ACAD10: variants seen among roughly 807,000 people sequenced by gnomAD.
ACAD10 encodes acyl-CoA dehydrogenase family member 10.
A neutral mutation model predicts 116.8 loss-of-function variants in ACAD10; 112 were observed. The ratio of observed to expected loss-of-function variants is 0.96; its 90% CI spans 0.82 to 1.12. ACAD10 has a LOEUF of 1.12. Ranked by LOEUF, ACAD10 falls within the 50% of genes most tolerant of loss-of-function variation. ACAD10 has a pLI of 0.00. For synonymous variants in ACAD10, 486 were observed against 510.6 expected (o/e 0.95, Z 0.65); for missense variants, 1,259 against 1,350.2 (o/e 0.93, Z 1.06).
At chr12:111,741,782 T>G (rs949746771) in intron 12 of ACAD10, among the ~76,000 whole-genome samples, 2 of 152,222 alleles carry the variant, frequency 1.3e-5, no homozygotes, top group African/African-American at 4.8e-5. Context: ...CTTCTACAAT[T>G]AGCTTTAAAA....
rs2068088702 is a variant in ACAD10, at chr12:111,756,788, C to T, written c.*315C>T. ...GCACGGTCACTTCACTTCAGCCTTT[C>T]AGTCCCTCTCTCTCTGCCTGTGGGA... is the stretch of plus-strand genomic sequence containing the variant. On this transcript the variant is annotated 3_prime_UTR_variant, in exon 21 of 21. Coordinates refer to ENST00000313698, the MANE Select transcript of ACAD10 (RefSeq NM_025247.6). The T allele has an allele frequency of 3.9e-6, 2 of 517,954 alleles. No individual in the cohort carries two copies. The highest frequency in any genetic ancestry group is 1.5e-5 in the South Asian group (1 of 65,096). 32.1% of individuals were successfully genotyped at this position (517,954 alleles called of 1,614,324 possible). A position where few individuals can be genotyped will look rare whatever the true frequency, so the allele number is the denominator to read the frequency against.
chr12:111,732,452 T>C (rs1484022980), intron 10 of ACAD10, among the ~76,000 whole-genome samples: 1 of 152,130 alleles, frequency 6.6e-6, no homozygotes, highest in Non-Finnish European at 1.5e-5. Flanking sequence ...AATATAGAAA[T>C]GTCTGAGACT....
chr12:111,756,912 G>A lies in ACAD10; in HGVS notation c.*439G>A, dbSNP rs1433302664. On this transcript the variant is annotated 3_prime_UTR_variant, in exon 21 of 21. Transcript: ENST00000313698. ...GGCCTCCCTGGTGAGCAGAGGGGCG[G>A]CCACGGCGGGCGGTGGCCTAGAGAC... The A allele has an allele frequency of 4.4e-6, 2 of 458,056 alleles. No homozygotes were observed. Among genetic ancestry groups the A allele is most frequent in the African/African-American group, 4.0e-5 (2 of 50,198 alleles). 28.4% of individuals were successfully genotyped at this position (458,056 alleles called of 1,614,324 possible). A position where few individuals can be genotyped will look rare whatever the true frequency, so the allele number is the denominator to read the frequency against.
intron 10 of ACAD10, among the ~76,000 whole-genome samples, chr12:111,733,026 GC>G (rs1201826922): frequency 6.6e-6 from 1 of 152,178 alleles, no homozygotes; most frequent in Non-Finnish European, 1.5e-5. Flanking sequence ...GGCTCCTTGG[GC>G]CTCTCTTTCT....
At chr12:111,723,571 C>T (rs1432663623) in intron 8 of ACAD10, among the ~76,000 whole-genome samples, 12 of 135,494 alleles carry the variant, frequency 8.9e-5, no homozygotes, top group Middle Eastern at 5.7e-3. Flanking sequence ...ACCTCCCGGA[C>T]GGGGTGGCTG....
At chr12:111,720,628 T>C (rs755667735) in intron 7 of ACAD10, among the ~76,000 whole-genome samples, 1 of 152,226 alleles carries the variant, frequency 6.6e-6, no homozygotes, top group Non-Finnish European at 1.5e-5. Flanking sequence ...TGCTTAGTGA[T>C]TGCATAATGC....
intron 12 of ACAD10, among the ~76,000 whole-genome samples, chr12:111,741,676 A>T (rs762472085): frequency 2.6e-5 from 4 of 152,238 alleles, no homozygotes; most frequent in Non-Finnish European, 5.9e-5. Flanking sequence ...ATGTAAAAAC[A>T]ACAAAATCCA....
chr12:111,722,638 C>T (rs1366415253), intron 8 of ACAD10, among the ~76,000 whole-genome samples: 4 of 151,980 alleles, frequency 2.6e-5, no homozygotes, highest in Non-Finnish European at 5.9e-5. Flanking sequence ...ACATCTTGCA[C>T]CGCCCTTAAT....
Position 111,692,790 on chromosome 12 carries a change from G to T in ACAD10, c.81G>T (p.Arg27Ser). 4 of 1,614,208 alleles carry T rather than the reference G, an allele frequency of 2.5e-6. No homozygotes were observed. Among genetic ancestry groups the T allele is most frequent in the Non-Finnish European group, 3.4e-6 (4 of 1,180,040 alleles). Residue 27 changes from arginine (R) to serine (S), a missense_variant, in exon 2 of 21, where the codon AGG becomes AGT. By Grantham distance (110) the Arg-to-Ser change is moderately radical (BLOSUM62 -1). Coordinates refer to ENST00000313698, the MANE Select transcript of ACAD10 (RefSeq NM_025247.6). ...RTAFLKHTQR[R>S]HQGSHRWTHL... ...CCTTCCTGAAACACACCCAGCGCAG[G>T]CACCAGGGGTCCCACCGATGGACAC...
intron 8 of ACAD10, among the ~76,000 whole-genome samples, chr12:111,723,467 G>A (rs1164941941): frequency 1.4e-5 from 2 of 138,652 alleles, no homozygotes; most frequent in Non-Finnish European, 3.2e-5. Context: ...CGGGCGGGGG[G>A]CTGACCCCCC....
At chr12:111,731,202 G>A (rs1889377032) in intron 10 of ACAD10, among the ~76,000 whole-genome samples, 1 of 152,224 alleles carries the variant, frequency 6.6e-6, no homozygotes, top group African/African-American at 2.4e-5. Flanking sequence ...GGATCCCCCT[G>A]GGTCTGAGAG....
chr12:111,743,267 G>A (rs1315301065), intron 12 of ACAD10, among the ~76,000 whole-genome samples: 1 of 152,072 alleles, frequency 6.6e-6, no homozygotes, highest in Non-Finnish European at 1.5e-5. Flanking sequence ...TCCTGGAAGA[G>A]ACAGACTACA....
At position 111,721,759 on chromosome 12, in the gene ACAD10, G is replaced by T; in HGVS notation, c.1061+20G>T. 1 of 1,574,610 alleles carries T rather than the reference G, an allele frequency of 6.4e-7. No individual in the cohort carries two copies. The highest frequency in any genetic ancestry group is 8.7e-7 in the Non-Finnish European group (1 of 1,152,108). On this transcript the variant is annotated intron_variant, in intron 8 of 20. Coordinates refer to ENST00000313698, the MANE Select transcript of ACAD10 (RefSeq NM_025247.6). ...TTCAAGGTAAAGTTCAGATGTTTTT[G>T]CTATTGCACTTTCAAGCTACAGGAG...
At chr12:111,746,979 G>T in intron 14 of ACAD10, 70 bp from the exon 15 acceptor site, 1 of 1,505,548 alleles carries the variant, frequency 6.6e-7, no homozygotes, top group South Asian at 1.3e-5. Context: ...CAGCCTGGGT[G>T]ACAGAGCTTG....
In ACAD10 at chr12:111,747,135, TC is replaced by T. The variant is rs1451976747; in HGVS notation, c.2345del (p.Pro782LeufsTer13). 7 of 1,613,400 alleles carry T rather than the reference TC, an allele frequency of 4.3e-6. No individual in the cohort carries two copies. The South Asian group carries it at 6.6e-5, about 15-fold the overall frequency. ...TEAQKARWLI[P>X]LLEGKARSCF... is the part of the protein sequence containing the mutation. Reference sequence around the variant, plus strand: ...AAGCGCAGAAGGCTCGCTGGCTGATTCCTCTGCTGGAGGGGAAAGCCCGCTC... The same window carrying T: ...AAGCGCAGAAGGCTCGCTGGCTGATTCTCTGCTGGAGGGGAAAGCCCGCTC... On this transcript the variant is annotated frameshift_variant, in exon 15 of 21. Transcript: ENST00000313698. LOFTEE classifies it high-confidence loss of function.
At chr12:111,735,622 A>C (rs1750903713) in intron 11 of ACAD10, among the ~76,000 whole-genome samples, 1 of 151,680 alleles carries the variant, frequency 6.6e-6, no homozygotes, top group Admixed American at 6.6e-5. Context: ...CGCCCGGCTA[A>C]ATTTTTGTTT....
rs1423612142 is a variant in ACAD10, at chr12:111,753,810, G to A, written c.2856G>A (p.Glu952=). 6.2e-7 allele frequency: 1 copy of A among 1,614,016 alleles called. No individual in the cohort carries two copies. The highest frequency in any genetic ancestry group is 8.5e-7 in the Non-Finnish European group (1 of 1,180,036). Residue 952 remains glutamate, a synonymous_variant, in exon 19 of 21, where the codon GAG becomes GAA. Coordinates refer to ENST00000313698, the MANE Select transcript of ACAD10 (RefSeq NM_025247.6). The stretch of plus-strand genomic sequence containing the variant: ...TGGCTTTTGGGAAGCCCCTGGTGGA[G>A]CAGGGCACAGTGCTGGCGGACATCG... The part of the protein sequence containing the change: ...SRLAFGKPLV[E]QGTVLADIAQ...
chr12:111,712,392 G>A, intron 5 of ACAD10, 106 bp from the exon 6 acceptor site: 1 of 1,103,902 alleles, frequency 9.1e-7, no homozygotes, highest in Non-Finnish European at 1.3e-6. Context: ...ACCATGAATT[G>A]TAAAATTAAA....
At chr12:111,690,109 T>G (rs1887992805) in intron 1 of ACAD10, among the ~76,000 whole-genome samples, 1 of 152,196 alleles carries the variant, frequency 6.6e-6, no homozygotes, top group African/African-American at 2.4e-5. Flanking sequence ...CACATTATAT[T>G]CAAGATTTAC....
Sources: allele counts gnomAD v4.1 joint callset (sites outside exome capture counted in the v4.1 genomes callset), GRCh38; gene constraint gnomAD v4.1.1; transcripts MANE v1.5; gene names NCBI Gene and HGNC (gene_info 2026-07-23, HGNC 2026-07-21).